Variants in VCAN observed in about 807,000 individuals in gnomAD.
VCAN encodes the protein versican core protein.
VCAN carries 44 observed loss-of-function variants against 245.5 expected under a neutral mutation model. The ratio of observed to expected loss-of-function variants is 0.18; its 90% CI spans 0.14 to 0.23. VCAN has a LOEUF of 0.23. VCAN is among the 10% of genes least tolerant of loss of function. The pLI, the probability that VCAN is intolerant of heterozygous loss-of-function variation, is 1.00. For synonymous variants in VCAN, 1,413 were observed against 1,437.0 expected (o/e 0.98, Z 0.38); for missense variants, 3,793 against 4,057.9 (o/e 0.93, Z 1.77).
chr5:83,484,630 C>A (rs1475831869), intron 2 of VCAN, among the ~76,000 whole-genome samples: 1 of 152,134 alleles, frequency 6.6e-6, no homozygotes, highest in Non-Finnish European at 1.5e-5. Context: ...CTTCTTTGTG[C>A]CAGATATTAT....
At chr5:83,575,057 C>T (rs561014344) in intron 13 of VCAN, among the ~76,000 whole-genome samples, 2 of 151,952 alleles carry the variant, frequency 1.3e-5, no homozygotes, top group African/African-American at 2.4e-5. Context: ...AATAAGAGTA[C>T]GAAGTACACA....
chr5:83,488,650 A>T (rs1744865215), intron 2 of VCAN, among the ~76,000 whole-genome samples: 1 of 152,254 alleles, frequency 6.6e-6, no homozygotes, highest in African/African-American at 2.4e-5. Flanking sequence ...ATTTCAAAGG[A>T]TAATTTAGTA....
In VCAN at chr5:83,537,762, G is replaced by T. The variant is rs771295231; in HGVS notation, c.4759G>T (p.Val1587Phe). ...STSVTYTPTI[V>F]PSSASAYVSE... Reference sequence around the variant, plus strand: ...TTCTGTCACATACACTCCCACTATAGTTCCAAGTTCTGCATCAGCATATGT... The same window carrying T: ...TTCTGTCACATACACTCCCACTATATTTCCAAGTTCTGCATCAGCATATGT... Residue 1587 changes from valine (V) to phenylalanine (F), a missense_variant, in exon 8 of 15, where the codon GTT becomes TTT. Val to Phe is a conservative substitution (Grantham distance 50). This residue lies in a region of VCAN where 3,182 missense variants were observed against 3,250.3 expected (regional missense o/e 0.98). Coordinates refer to ENST00000265077, the MANE Select transcript of VCAN (RefSeq NM_004385.5). 1 of 1,613,990 alleles carries T rather than the reference G, an allele frequency of 6.2e-7. No homozygotes were observed. Among genetic ancestry groups the T allele is most frequent in the East Asian group, 2.2e-5 (1 of 44,862 alleles).
At chr5:83,527,162 TAA>T (rs1746333717) in intron 7 of VCAN, among the ~76,000 whole-genome samples, 1 of 152,200 alleles carries the variant, frequency 6.6e-6, no homozygotes, top group Non-Finnish European at 1.5e-5. Flanking sequence ...AGTGGTTTGT[TAA>T]GAGTATATAA....
intron 6 of VCAN, among the ~76,000 whole-genome samples, chr5:83,517,321 T>A (rs1241503097): frequency 6.6e-6 from 1 of 152,308 alleles, no homozygotes; most frequent in East Asian, 1.9e-4. Context: ...TTGGCCCTAA[T>A]GCAATTGTAC....
chr5:83,489,448 C>A (rs958800492), intron 2 of VCAN, among the ~76,000 whole-genome samples: 1 of 152,170 alleles, frequency 6.6e-6, no homozygotes, highest in African/African-American at 2.4e-5. Flanking sequence ...CAGAAACCAA[C>A]CTTTCCCCAT....
At chr5:83,479,222 C>T (rs1744527769) in intron 1 of VCAN, among the ~76,000 whole-genome samples, 1 of 152,064 alleles carries the variant, frequency 6.6e-6, no homozygotes, top group Non-Finnish European at 1.5e-5. Flanking sequence ...GTCTAGGGTA[C>T]CTAATTAGCA....
At chr5:83,542,367 A>G in intron 8 of VCAN, 99 bp downstream of exon 8, 1 of 1,285,500 alleles carries the variant, frequency 7.8e-7, no homozygotes, top group Non-Finnish European at 1.1e-6. Context: ...TGTTAAATCA[A>G]TGGAGAGTTT....
At chr5:83,553,601 A>C (rs1580061334) in intron 11 of VCAN, 79 bp downstream of exon 11, 6 of 1,585,312 alleles carry the variant, frequency 3.8e-6, no homozygotes, top group Non-Finnish European at 5.2e-6. Context: ...GCAAGTGAAA[A>C]GAAGTAGCTT....
chr5:83,545,708 G>T, intron 9 of VCAN, 58 bp downstream of exon 9: 3 of 1,278,290 alleles, frequency 2.3e-6, no homozygotes, highest in Admixed American at 1.7e-5. Flanking sequence ...TATTGGGGGA[G>T]AATTTATGTT....
At chr5:83,484,984 T>G (rs920080692) in intron 2 of VCAN, among the ~76,000 whole-genome samples, 2 of 152,120 alleles carry the variant, frequency 1.3e-5, no homozygotes, top group African/African-American at 4.8e-5. Flanking sequence ...GTAGGAGACA[T>G]GAACAGAGAG....
intron 9 of VCAN, among the ~76,000 whole-genome samples, chr5:83,546,607 A>G (rs1449241711): frequency 6.6e-6 from 1 of 151,032 alleles, no homozygotes; most frequent in African/African-American, 2.4e-5. Context: ...AAAAAAAAAA[A>G]TTAACCGTGC....
intron 7 of VCAN, among the ~76,000 whole-genome samples, chr5:83,529,985 C>A (rs1163896474): frequency 6.6e-6 from 1 of 152,078 alleles, no homozygotes; most frequent in African/African-American, 2.4e-5. Context: ...CCACAAGAAG[C>A]CAAGTATAAT....
At position 83,521,347 on chromosome 5, in the gene VCAN, C is replaced by T. The variant is rs754448977; in HGVS notation, c.3041C>T (p.Ala1014Val). ...ILVIDQTRLE[A>V]TISPETMRTT... is the part of the protein sequence containing the mutation. ...GTCATTGATCAGACTCGCCTTGAAG[C>T]GACTATTTCTCCAGAAACTATGAGA... Residue 1014 changes from alanine to valine, a missense_variant, in exon 7 of 15, where the codon GCG becomes GTG. Physicochemically the swap from Ala to Val is moderately conservative, Grantham distance 64 (BLOSUM62 0). Coordinates refer to ENST00000265077, the MANE Select transcript of VCAN (RefSeq NM_004385.5). 16 of 1,613,876 alleles carry T rather than the reference C, an allele frequency of 9.9e-6. 1 individual carries two copies. In the South Asian group the frequency reaches 1.1e-4, roughly 11 times the overall value.
intron 7 of VCAN, chr5:83,531,292 A>T (rs942924832): frequency 1.3e-5 from 2 of 152,152 alleles, no homozygotes; most frequent in Non-Finnish European, 2.9e-5. Context: ...AGTAAGTACC[A>T]TGAGTGGCTT....
chr5:83,521,029 C>T lies in VCAN; in HGVS notation c.2723C>T (p.Pro908Leu). 1 of 1,613,740 alleles carries T rather than the reference C, an allele frequency of 6.2e-7. No homozygotes were observed. The highest frequency in any genetic ancestry group is 8.5e-7 in the Non-Finnish European group (1 of 1,179,902). The change falls in exon 7 of 15, where the codon CCT becomes CTT. Residue 908 changes from proline to leucine, a missense_variant. Transcript: ENST00000265077. The part of the protein sequence containing the change: ...RDSTTEEKVP[P>L]ITSTEGQVYA... ...TCTACAACTGAAGAAAAAGTTCCAC[C>T]TATCACAAGCACTGAAGGCCAAGTT... is the stretch of plus-strand genomic sequence containing the variant.
chr5:83,567,331 C>T (rs1451417770), intron 12 of VCAN, among the ~76,000 whole-genome samples: 1 of 152,050 alleles, frequency 6.6e-6, no homozygotes, highest in Non-Finnish European at 1.5e-5. Flanking sequence ...GACGGAGTCT[C>T]ACCTGACCCC....
At position 83,536,998 on chromosome 5, in the gene VCAN, T is replaced by A. The variant is rs1746737790; in HGVS notation, c.4004-9T>A. ...TATTTAAGTATTGTGAAAACTCTGT[T>A]TTTTTCAGGTCGAATGAGTGATTTG... On this transcript the variant is annotated splice_polypyrimidine_tract_variant and intron_variant, in intron 7 of 14. Transcript: ENST00000265077. 3.8e-6 allele frequency: 6 copies of A among 1,569,026 alleles called. No individual in the cohort carries two copies. Among genetic ancestry groups the A allele is most frequent in the African/African-American group, 1.4e-5 (1 of 72,770 alleles).
chr5:83,511,742 G>C (rs1243995386), intron 5 of VCAN, among the ~76,000 whole-genome samples: 1 of 152,040 alleles, frequency 6.6e-6, no homozygotes, highest in Non-Finnish European at 1.5e-5. Context: ...GCACATAGCA[G>C]ACTTTTTCCT....
Sources: gnomAD v4.1 joint callset for allele counts (sites outside exome capture counted in the v4.1 genomes callset) on GRCh38, gnomAD v4.1.1 for gene constraint, gnomAD v4.1.1 regional missense constraint, MANE v1.5 for transcripts, NCBI Gene and HGNC (gene_info 2026-07-23, HGNC 2026-07-21) for gene names.